The following HIBADH variants were observed in gnomAD, a reference collection of about 807,000 sequenced individuals.
HIBADH encodes the protein 3-hydroxyisobutyrate dehydrogenase.
HIBADH carries 25 observed loss-of-function variants against 36.1 expected under a neutral mutation model. The ratio of observed to expected loss-of-function variants is 0.69; its 90% CI spans 0.50 to 0.97. HIBADH has a LOEUF of 0.97. HIBADH is among the 50% of genes least tolerant of loss of function. The pLI is 0.00. For synonymous variants in HIBADH, 160 were observed against 149.5 expected (o/e 1.07, Z -0.51); for missense variants, 421 against 418.0 (o/e 1.01, Z -0.06).
intron 6 of HIBADH, among the ~76,000 whole-genome samples, chr7:27,533,974 G>C (rs112405324): frequency 6.6e-6 from 1 of 152,160 alleles, no homozygotes; most frequent in Non-Finnish European, 1.5e-5. Context: ...GATGTGGTTC[G>C]AGAGTGCATG....
At chr7:27,583,193 A>G (rs1784817517) in intron 4 of HIBADH, among the ~76,000 whole-genome samples, 1 of 152,104 alleles carries the variant, frequency 6.6e-6, no homozygotes, top group Admixed American at 6.6e-5. Flanking sequence ...GGGAAGCTTT[A>G]TTAAGCATTA....
intron 6 of HIBADH, among the ~76,000 whole-genome samples, chr7:27,535,870 A>T (rs1784064313): frequency 6.6e-6 from 1 of 151,918 alleles, no homozygotes; most frequent in Non-Finnish European, 1.5e-5. Context: ...CAATTTTTTT[A>T]AAAAAGGGGA....
At chr7:27,649,314 A>G (rs1786134619) in intron 2 of HIBADH, 159 bp downstream of exon 2, 1 of 531,378 alleles carries the variant, frequency 1.9e-6, no homozygotes, top group Non-Finnish European at 3.1e-6. Flanking sequence ...CCTTTACTGC[A>G]AATCTGGATG....
rs70994672 is a variant in HIBADH, at chr7:27,626,104, G to GAAAAAAAAAAAAAAA, written c.484+3252_484+3266dup. On this transcript the variant is annotated intron_variant, in intron 4 of 7. Transcript: ENST00000265395. ...GGTGACACAGTGAGACTCCGTCTCAGAAAAAAAAAAAAAAAAAAAAAAGAT... is the reference window on the plus strand; with the variant it reads ...GGTGACACAGTGAGACTCCGTCTCAGAAAAAAAAAAAAAAAAAAAAAAAAAAAAAAAAAAAAAGAT... Among the ~76,000 whole-genome samples, 18 of 72,492 alleles carry GAAAAAAAAAAAAAAA rather than the reference G, an allele frequency of 2.5e-4. 1 individual carries two copies. Among genetic ancestry groups the GAAAAAAAAAAAAAAA allele is most frequent in the African/African-American group, 9.7e-4 (18 of 18,646 alleles). 47.6% of individuals were successfully genotyped at this position (72,492 alleles called of 152,430 possible). A position where few individuals can be genotyped will look rare whatever the true frequency, so the allele number is the denominator to read the frequency against.
At chr7:27,588,470 G>A (rs1784894669) in intron 4 of HIBADH, among the ~76,000 whole-genome samples, 3 of 151,352 alleles carry the variant, frequency 2.0e-5, no homozygotes, top group Admixed American at 1.3e-4. Flanking sequence ...CTGGACTACA[G>A]GTGTATGCCA....
chr7:27,640,075 C>A (rs2128295711), intron 2 of HIBADH, among the ~76,000 whole-genome samples: 1 of 152,254 alleles, frequency 6.6e-6, no homozygotes, highest in Non-Finnish European at 1.5e-5. Flanking sequence ...TGCCCAGTGG[C>A]AATTGCTTAA....
intron 1 of HIBADH, among the ~76,000 whole-genome samples, chr7:27,654,983 A>T (rs1231755471): frequency 1.3e-5 from 2 of 152,186 alleles, no homozygotes; most frequent in African/African-American, 4.8e-5. Flanking sequence ...CACCGCACCC[A>T]GCCACACTCT....
intron 4 of HIBADH, among the ~76,000 whole-genome samples, chr7:27,611,498 G>A (rs865918751): frequency 2.4e-5 from 3 of 122,892 alleles, no homozygotes; most frequent in African/African-American, 6.0e-5. Flanking sequence ...GTGTGTGCGC[G>A]CACACACACA....
At chr7:27,614,041 T>G (rs1413767458) in intron 4 of HIBADH, among the ~76,000 whole-genome samples, 2 of 152,180 alleles carry the variant, frequency 1.3e-5, no homozygotes, top group Non-Finnish European at 2.9e-5. Context: ...TCAACCGAGA[T>G]GGGATGAGGA....
At position 27,646,681 on chromosome 7, in the gene HIBADH, C is replaced by T. The variant is rs983498031; in HGVS notation, c.252+2792G>A. ...CTGGGACTACAGGCACACACAACCA[C>T]GCCCAGCATTTTTTTTTTTTTTTTT... is the stretch of plus-strand genomic sequence containing the variant. On this transcript the variant is annotated intron_variant, in intron 2 of 7. Coordinates refer to ENST00000265395, the MANE Select transcript of HIBADH (RefSeq NM_152740.4). Among the ~76,000 whole-genome samples, 10 of 148,294 alleles carry T rather than the reference C, an allele frequency of 6.7e-5. No homozygotes were observed. The South Asian group carries it at 1.1e-3, about 16-fold the overall frequency.
intron 4 of HIBADH, among the ~76,000 whole-genome samples, chr7:27,570,150 C>T (rs1784607821): frequency 6.6e-6 from 1 of 152,178 alleles, no homozygotes; most frequent in African/African-American, 2.4e-5. Context: ...TATTTTCCTT[C>T]TCCAGTCTAT....
chr7:27,538,902 G>A (rs1583558737), intron 5 of HIBADH, among the ~76,000 whole-genome samples: 1 of 152,160 alleles, frequency 6.6e-6, no homozygotes, highest in Non-Finnish European at 1.5e-5. Context: ...GATTTAAACA[G>A]ACAAGAAAGA....
chr7:27,662,587 A>C, intron 1 of HIBADH, 111 bp downstream of exon 1: 1 of 601,524 alleles, frequency 1.7e-6, no homozygotes, highest in Non-Finnish European at 2.5e-6. Context: ...ATTGTTTTTT[A>C]AGCCCCAGCC....
intron 6 of HIBADH, among the ~76,000 whole-genome samples, chr7:27,534,230 G>C (rs2128183312): frequency 6.6e-6 from 1 of 152,260 alleles, no homozygotes; most frequent in African/African-American, 2.4e-5. Context: ...AAAAATGTTT[G>C]TTTATATTAT....
rs566909556 is a variant in HIBADH, at chr7:27,561,321, A to G, written c.485-18221T>C. On this transcript the variant is annotated intron_variant, in intron 4 of 7. Transcript: ENST00000265395. ...GCAGCTGCATCCCAGTTTAATATAC[A>G]GGATTTTCATTACTGTTGAGTTCTA... Among the ~76,000 whole-genome samples, 3 of 152,286 alleles carry G rather than the reference A, an allele frequency of 2.0e-5. 1 individual carries two copies. Among genetic ancestry groups the G allele is most frequent in the African/African-American group, 7.2e-5 (3 of 41,568 alleles).
At chr7:27,658,226 A>T (rs1786343122) in intron 1 of HIBADH, among the ~76,000 whole-genome samples, 1 of 152,210 alleles carries the variant, frequency 6.6e-6, no homozygotes, top group Non-Finnish European at 1.5e-5. Flanking sequence ...AAACCTAAAT[A>T]ATGCATCTCT....
At chr7:27,566,436 T>G (rs1784549891) in intron 4 of HIBADH, among the ~76,000 whole-genome samples, 1 of 152,104 alleles carries the variant, frequency 6.6e-6, no homozygotes, top group Non-Finnish European at 1.5e-5. Context: ...TTCCTTACAG[T>G]GCTCCATTCC....
chr7:27,542,838 A>G, intron 5 of HIBADH, 129 bp downstream of exon 5: 1 of 1,047,164 alleles, frequency 9.5e-7, no homozygotes, highest in Non-Finnish European at 1.4e-6. Context: ...ATTCCAAATA[A>G]ATGTTTTAAA....
intron 4 of HIBADH, among the ~76,000 whole-genome samples, chr7:27,593,872 G>A (rs889778458): frequency 2.0e-5 from 3 of 151,534 alleles, no homozygotes; most frequent in Non-Finnish European, 4.4e-5. Context: ...TATAAACATC[G>A]ATGGAAATTT....
Sources: allele counts gnomAD v4.1 joint callset (sites outside exome capture counted in the v4.1 genomes callset), GRCh38; gene constraint gnomAD v4.1.1; transcripts MANE v1.5; gene names NCBI Gene and HGNC (gene_info 2026-07-23, HGNC 2026-07-21).